The following KCTD19 variants were observed in gnomAD, a reference collection of about 807,000 sequenced individuals.
KCTD19 encodes potassium channel tetramerization domain containing 19, also known as BTB/POZ domain-containing protein KCTD19.
Under a neutral mutation model 103.5 loss-of-function variants are expected in KCTD19, and 67 were observed. The ratio of observed to expected loss-of-function variants is 0.65; its 90% CI spans 0.53 to 0.79. The LOEUF (loss-of-function observed/expected upper bound fraction) is 0.79. Ranked by LOEUF, KCTD19 falls within the 30% of genes least tolerant of loss-of-function variation. The pLI is 0.00. For missense variants in KCTD19, 980 were observed against 1,136.1 expected, an observed-to-expected ratio of 0.86 and a Z score of 1.98; for synonymous variants, 439 against 452.2, an observed-to-expected ratio of 0.97 and a Z score of 0.37.
chr16:67,312,100 A>T (rs1022717390), intron 2 of KCTD19, among the ~76,000 whole-genome samples: 6 of 152,256 alleles, frequency 3.9e-5, no homozygotes, highest in Admixed American at 2.6e-4. Context: ...CAGAATGCTC[A>T]CAAGTGGAAC....
chr16:67,324,913 A>G (rs4783754), intron 1 of KCTD19, among the ~76,000 whole-genome samples: 145,483 of 152,330 alleles, frequency 0.96, 69,509 homozygotes, highest in East Asian at 1. Context: ...GCTAACCTAG[A>G]ATTCTAAGTC....
intron 6 of KCTD19, among the ~76,000 whole-genome samples, chr16:67,297,988 C>CACCATGTAGGCCAGGATGG (rs2036786881): frequency 2.2e-5 from 3 of 134,860 alleles, no homozygotes; most frequent in African/African-American, 8.2e-5. Context: ...GACGGGGTTT[C>CACCATGTAGGCCAGGATGG]TTTTTTTTTT....
intron 2 of KCTD19, among the ~76,000 whole-genome samples, chr16:67,310,674 G>GT (rs2036940008): frequency 1.3e-5 from 2 of 152,234 alleles, no homozygotes; most frequent in Non-Finnish European, 2.9e-5. Context: ...GTATGTGTAT[G>GT]TATGTGTGTG....
Position 67,289,471 on chromosome 16 carries a change from C to CT in KCTD19, c.*97dup. On this transcript the variant is annotated 3_prime_UTR_variant, in exon 16 of 16. Coordinates refer to ENST00000304372, the MANE Select transcript of KCTD19 (RefSeq NM_001100915.3). The stretch of plus-strand genomic sequence containing the variant: ...TTATTTGTTTATAATAAAAAATAGA[C>CT]TGATATGTACCCTCTGATGGGCACA... The CT allele has an allele frequency of 1.6e-6, 1 of 637,992 alleles. No homozygotes were observed. The highest frequency in any genetic ancestry group is 2.8e-6 in the Non-Finnish European group (1 of 357,278). The allele number at this position is 637,992 out of a possible 1,614,324, so 39.5% of individuals were successfully genotyped here.
chr16:67,303,109 A>AGGGGGG lies in KCTD19; in HGVS notation c.643+36_643+37insCCCCCC. The AGGGGGG allele has an allele frequency of 1.0e-5, 5 of 483,246 alleles. No homozygotes were observed. Among genetic ancestry groups the AGGGGGG allele is most frequent in the East Asian group, 6.3e-5 (1 of 15,874 alleles). 29.9% of individuals were successfully genotyped at this position (483,246 alleles called of 1,614,324 possible). A position where few individuals can be genotyped will look rare whatever the true frequency, so the allele number is the denominator to read the frequency against. Reference sequence around the variant, plus strand: ...TGGGGAGGGGTGAATGGGCCCTATCAGCCCGCCCCCCACCCCACCCCGGAC... The same window carrying AGGGGGG: ...TGGGGAGGGGTGAATGGGCCCTATCAGGGGGGGCCCGCCCCCCACCCCACCCCGGAC... On this transcript the variant is annotated intron_variant, in intron 4 of 15. Transcript: ENST00000304372. The surrounding 1 kb of genome is among the most constrained non-coding windows in gnomAD (Gnocchi z 4.3).
chr16:67,303,109 A>AGGGGGGG lies in KCTD19; in HGVS notation c.643+36_643+37insCCCCCCC. 5 of 483,250 alleles carry AGGGGGGG rather than the reference A, an allele frequency of 1.0e-5. No individual in the cohort carries two copies. The highest frequency in any genetic ancestry group is 2.0e-5 in the Non-Finnish European group (5 of 247,144). 29.9% of individuals were successfully genotyped at this position (483,250 alleles called of 1,614,324 possible). A position where few individuals can be genotyped will look rare whatever the true frequency, so the allele number is the denominator to read the frequency against. ...TGGGGAGGGGTGAATGGGCCCTATC[A>AGGGGGGG]GCCCGCCCCCCACCCCACCCCGGAC... On this transcript the variant is annotated intron_variant, in intron 4 of 15. Transcript: ENST00000304372. The surrounding 1 kb of genome is among the most constrained non-coding windows in gnomAD (Gnocchi z 4.3).
intron 12 of KCTD19, among the ~76,000 whole-genome samples, chr16:67,292,720 T>A (rs1446084069): frequency 2.6e-5 from 4 of 152,084 alleles, no homozygotes; most frequent in African/African-American, 9.7e-5. Context: ...CTGGCCACCT[T>A]CCCTTAGCTG....
chr16:67,323,338 C>T lies in KCTD19; in HGVS notation c.4-2453G>A, dbSNP rs1022971169. Among the ~76,000 whole-genome samples the T allele has an allele frequency of 1.3e-5, 2 of 152,082 alleles. No individual in the cohort carries two copies. Among genetic ancestry groups the T allele is most frequent in the African/African-American group, 2.4e-5 (1 of 41,386 alleles). On this transcript the variant is annotated intron_variant, in intron 1 of 15. Transcript: ENST00000304372. This position sits in a 1 kb window ranked among gnomAD's most constrained non-coding sequence, Gnocchi z 4.1. ...GATGAGTAAACAAAATGTAGTATAT[C>T]CACACAATGGAATATTGTTTGTCAA...
chr16:67,314,828 TATAGAGAG>T (rs1380013061), intron 2 of KCTD19, among the ~76,000 whole-genome samples: 11 of 50,368 alleles, frequency 2.2e-4, no homozygotes, highest in Admixed American at 1.2e-3. Flanking sequence ...TATATATATA[TATAGAGAG>T]AGAGAGAGAG....
intron 13 of KCTD19, 62 bp downstream of exon 13, chr16:67,291,583 TG>T: frequency 1.3e-6 from 2 of 1,577,600 alleles, no homozygotes; most frequent in Non-Finnish European, 1.7e-6. Context: ...TGAAGTACCC[TG>T]GGAGGGGGCT....
intron 2 of KCTD19, among the ~76,000 whole-genome samples, chr16:67,314,818 TATATATATATATAG>T (rs1368525359): frequency 2.0e-3 from 197 of 99,150 alleles, no homozygotes; most frequent in Non-Finnish European, 2.8e-3. Context: ...TATATATATA[TATATATATATATAG>T]AGAGAGAGAG....
At position 67,323,736 on chromosome 16, in the gene KCTD19, CTAA is replaced by C. The variant is rs1361437613; in HGVS notation, c.4-2854_4-2852del. Among the ~76,000 whole-genome samples, 1 of 152,058 alleles carries C rather than the reference CTAA, an allele frequency of 6.6e-6. No homozygotes were observed. The highest frequency in any genetic ancestry group is 6.6e-5 in the Admixed American group (1 of 15,254). On this transcript the variant is annotated intron_variant, in intron 1 of 15. Coordinates refer to ENST00000304372, the MANE Select transcript of KCTD19 (RefSeq NM_001100915.3). This position sits in a 1 kb window ranked among gnomAD's most constrained non-coding sequence, Gnocchi z 4.1. ...GCTATGGGGAGATGGGGTGTGACTA[CTAA>C]TGAGTATGGGATTTCTTTTGGGGAT...
rs1268706328 is a variant in KCTD19 at position 67,299,538 on chromosome 16, G to A, written c.811C>T (p.Pro271Ser). 2 of 1,613,902 alleles carry A rather than the reference G, an allele frequency of 1.2e-6. No homozygotes were observed. Among genetic ancestry groups the A allele is most frequent in the East Asian group, 2.2e-5 (1 of 44,884 alleles). ...CSPTTCSPLS[P>S]GKGARTASLE... ...CTGGCTGTGCGGGCCCCCTTCCCGG[G>A]GCTCAGGGGAGAACAGGTGGTCGGG... The change falls in exon 6 of 16, where the codon CCC becomes TCC. Residue 271 changes from proline to serine, a missense_variant. Pro to Ser is a moderately conservative substitution (Grantham distance 74, BLOSUM62 -1). Transcript: ENST00000304372.
rs918808425 is a variant in KCTD19 at position 67,325,199 on chromosome 16, C to CTTTTTTTTTT, written c.3+1505_3+1506insAAAAAAAAAA. The stretch of plus-strand genomic sequence containing the variant: ...CTTTCTTTCTTTTTTTTCTTTTTTT[C>CTTTTTTTTTT]TTTTTTTCTTTTTTTTTTTTTTTGA... On this transcript the variant is annotated intron_variant, in intron 1 of 15. Transcript: ENST00000304372. Among the ~76,000 whole-genome samples the CTTTTTTTTTT allele has an allele frequency of 2.6e-3, 338 of 132,284 alleles. 6 individuals are homozygous for CTTTTTTTTTT. The highest frequency in any genetic ancestry group is 8.9e-3 in the African/African-American group (259 of 29,100). The allele number at this position is 132,284 out of a possible 152,430, so 86.8% of individuals were successfully genotyped here. A position where few individuals can be genotyped will look rare whatever the true frequency, so the allele number is the denominator to read the frequency against.
At chr16:67,314,396 CT>C (rs1255596533) in intron 2 of KCTD19, among the ~76,000 whole-genome samples, 1 of 151,984 alleles carries the variant, frequency 6.6e-6, no homozygotes, top group Non-Finnish European at 1.5e-5. Context: ...TTCAATACCC[CT>C]AAAAGAAACC....
At chr16:67,315,642 C>A (rs369392659) in intron 2 of KCTD19, among the ~76,000 whole-genome samples, 1 of 152,058 alleles carries the variant, frequency 6.6e-6, no homozygotes, top group African/African-American at 2.4e-5. Flanking sequence ...ACACCATGCC[C>A]GGCTAATTTT....
Position 67,326,685 on chromosome 16 carries a change from C to T in KCTD19, c.3+20G>A. On this transcript the variant is annotated intron_variant, in intron 1 of 15. Coordinates refer to ENST00000304372, the MANE Select transcript of KCTD19 (RefSeq NM_001100915.3). ...GCCGCTTTGGTGCTTTTGGCGCCCC[C>T]GCCAGAGCGGGCTCCGTACCATGGT... 6.3e-7 allele frequency: 1 copy of T among 1,582,364 alleles called. No homozygotes were observed. Among genetic ancestry groups the T allele is most frequent in the Non-Finnish European group, 8.6e-7 (1 of 1,168,800 alleles).
intron 11 of KCTD19, 128 bp from the exon 12 acceptor site, chr16:67,294,299 G>C (rs1363584690): frequency 2.8e-6 from 3 of 1,073,618 alleles, no homozygotes; most frequent in African/African-American, 1.6e-5. Context: ...CCCTGACAGG[G>C]GTCACCCATT....
At chr16:67,297,722 G>A in intron 6 of KCTD19, 59 bp from the exon 7 acceptor site, 1 of 1,538,372 alleles carries the variant, frequency 6.5e-7, no homozygotes, top group Non-Finnish European at 8.8e-7. Flanking sequence ...AGAGAGTCGA[G>A]CCTGTAAACT....
Sources: gnomAD v4.1 joint callset for allele counts (sites outside exome capture counted in the v4.1 genomes callset) on GRCh38, gnomAD v4.1.1 for gene constraint, Gnocchi (gnomAD v3.1) non-coding constraint, MANE v1.5 for transcripts, NCBI Gene and HGNC (gene_info 2026-07-23, HGNC 2026-07-21) for gene names.